Variants in THSD1 observed in about 807,000 individuals in gnomAD.
The protein encoded by THSD1 is thrombospondin type-1 domain-containing protein 1.
In THSD1, 34 loss-of-function variants were observed where a neutral mutation model predicts 46.3. The observed-to-expected ratio is 0.74, with a 90% confidence interval of 0.56 to 0.98. THSD1 has a LOEUF of 0.98. THSD1 is among the 50% of genes least tolerant of loss of function. The pLI is 0.00. For missense variants in THSD1, 1,023 were observed against 1,058.3 expected, an observed-to-expected ratio of 0.97 and a Z score of 0.46; for synonymous variants, 407 against 416.5, an observed-to-expected ratio of 0.98 and a Z score of 0.28.
At chr13:52,382,533 C>T (rs753726557) in intron 4 of THSD1, among the ~76,000 whole-genome samples, 10 of 152,200 alleles carry the variant, frequency 6.6e-5, no homozygotes, top group African/African-American at 2.2e-4. Flanking sequence ...GCTGGCCTCA[C>T]GTCTCCCACC....
At position 52,377,907 on chromosome 13, in the gene THSD1, C is replaced by T; in HGVS notation, c.2063G>A (p.Cys688Tyr). The T allele has an allele frequency of 6.2e-7, 1 of 1,614,240 alleles. No homozygotes were observed. Among genetic ancestry groups the T allele is most frequent in the Non-Finnish European group, 8.5e-7 (1 of 1,180,040 alleles). ...APAYSSRTRT[C>Y]EQAEDRFRPQ... ...CCTAAATCTGTCCTCTGCCTGCTCG[C>T]AGGTCCGCGTCCTAGAGCTGTAGGC... The change falls in exon 5 of 5, where the codon TGC becomes TAC. Residue 688 changes from cysteine to tyrosine, a missense_variant. Transcript: ENST00000258613.
chr13:52,384,766 A>T (rs376758518), intron 4 of THSD1, among the ~76,000 whole-genome samples: 3 of 152,186 alleles, frequency 2.0e-5, no homozygotes, highest in East Asian at 3.8e-4. Flanking sequence ...TATTTGAGGG[A>T]AGTTATACAC....
At chr13:52,393,846 T>G (rs1316496405) in intron 3 of THSD1, among the ~76,000 whole-genome samples, 2 of 152,174 alleles carry the variant, frequency 1.3e-5, no homozygotes, top group Non-Finnish European at 2.9e-5. Context: ...CAGTCATAAA[T>G]TTTATACTAA....
At chr13:52,393,842 T>C (rs61011708) in intron 3 of THSD1, among the ~76,000 whole-genome samples, 10,898 of 152,186 alleles carry the variant, frequency 0.072, 521 homozygotes, top group African/African-American at 0.13. Context: ...AGTTCAGTCA[T>C]AAATTTTATA....
At chr13:52,398,517 T>C (rs974913825) in intron 2 of THSD1, 1 of 977,700 alleles carries the variant, frequency 1.0e-6, no homozygotes, top group Non-Finnish European at 1.2e-6. Context: ...GCTAAGATTA[T>C]AGACATGAGC....
At position 52,404,517 on chromosome 13, in the gene THSD1, A is replaced by T. The variant is rs539559064; in HGVS notation, c.-82+1514T>A. Among the ~76,000 whole-genome samples the T allele has an allele frequency of 5.3e-5, 8 of 152,330 alleles. No homozygotes were observed. The East Asian group carries it at 1.5e-3, about 29-fold the overall frequency. On this transcript the variant is annotated intron_variant, in intron 1 of 4. Transcript: ENST00000258613. ...TTCCCCGCCACCCCCACCCAAAAAAAAGAAAAGAAAGGAAAGAAGAAGAAA... is the reference window on the plus strand; with the variant it reads ...TTCCCCGCCACCCCCACCCAAAAAATAGAAAAGAAAGGAAAGAAGAAGAAA...
chr13:52,389,999 G>T (rs1294855936), intron 3 of THSD1, among the ~76,000 whole-genome samples: 3 of 151,852 alleles, frequency 2.0e-5, no homozygotes. Context: ...AATTAGCCAG[G>T]GATAGTGCCA....
At chr13:52,380,516 T>C (rs1258793250) in intron 4 of THSD1, among the ~76,000 whole-genome samples, 1 of 151,516 alleles carries the variant, frequency 6.6e-6, no homozygotes, top group Non-Finnish European at 1.5e-5. Flanking sequence ...TTTTCCTTTT[T>C]TTTTTTTTTC....
chr13:52,378,200 T>C lies in THSD1; in HGVS notation c.1770A>G (p.Pro590=), dbSNP rs569927146. The C allele has an allele frequency of 6.2e-7, 1 of 1,614,068 alleles. No homozygotes were observed. Among genetic ancestry groups the C allele is most frequent in the African/African-American group, 1.3e-5 (1 of 74,994 alleles). ...AAANKFRIKS[P]FPEQPAVSAG... ...CACTGACCGCGGGCTGCTCCGGAAA[T>C]GGGGATTTGATCCGGAACTTGTTTG... is the stretch of plus-strand genomic sequence containing the variant. The change falls in exon 5 of 5, where the codon CCA becomes CCG. Residue 590 remains proline, a synonymous_variant. Coordinates refer to ENST00000258613, the MANE Select transcript of THSD1 (RefSeq NM_018676.4).
chr13:52,403,019 A>G (rs1957876682), intron 1 of THSD1: 6 of 857,036 alleles, frequency 7.0e-6, no homozygotes, highest in Non-Finnish European at 5.6e-6. Flanking sequence ...ATTTGGATAC[A>G]TTTTCACATT....
At position 52,378,407 on chromosome 13, in the gene THSD1, C is replaced by T. The variant is rs1196568943; in HGVS notation, c.1563G>A (p.Gln521=). 3.1e-6 allele frequency: 5 copies of T among 1,613,972 alleles called. No individual in the cohort carries two copies. In the South Asian group the frequency reaches 5.5e-5, roughly 18 times the overall value. Residue 521 remains glutamine (Q), a synonymous_variant, in exon 5 of 5, where the codon CAG becomes CAA. Transcript: ENST00000258613. The stretch of plus-strand genomic sequence containing the variant: ...AGCTGAACAGAGGTGGGATTATCTT[C>T]TGGGCGTTGGACTGGAAGCTCTCGC... ...SGSESFQSNA[Q]KIIPPLFSYR... is the part of the protein sequence containing the mutation.
chr13:52,395,061 T>C (rs1389239409), intron 3 of THSD1, among the ~76,000 whole-genome samples: 2 of 152,036 alleles, frequency 1.3e-5, no homozygotes, highest in Non-Finnish European at 2.9e-5. Context: ...AGTGCAGAGA[T>C]GGTGACTGCA....
chr13:52,397,340 A>G lies in THSD1; in HGVS notation c.913T>C (p.Cys305Arg). The change falls in exon 3 of 5, where the codon TGT becomes CGT. Residue 305 changes from cysteine (C) to arginine (R), a missense_variant. Cys to Arg is a radical substitution (Grantham distance 180, BLOSUM62 -3). Coordinates refer to ENST00000258613, the MANE Select transcript of THSD1 (RefSeq NM_018676.4). ...TTCTTCCCCATGTCAAACAAAGTAC[A>G]GTTAAAAATTGTCCTCCTCTCTCCC... is the stretch of plus-strand genomic sequence containing the variant. ...PLGERRTIFNCTLFDMGKNKY... is the reference protein window; with the variant it reads ...PLGERRTIFNRTLFDMGKNKY... 1.9e-6 allele frequency: 3 copies of G among 1,614,150 alleles called. No individual in the cohort carries two copies. The highest frequency in any genetic ancestry group is 2.5e-6 in the Non-Finnish European group (3 of 1,180,018).
Position 52,386,029 on chromosome 13 carries a change from A to G in THSD1, c.1179T>C (p.Ala393=), listed in dbSNP as rs1340987081. The G allele has an allele frequency of 6.2e-7, 1 of 1,613,620 alleles. No homozygotes were observed. The highest frequency in any genetic ancestry group is 8.5e-7 in the Non-Finnish European group (1 of 1,179,824). Residue 393 remains alanine, a splice_region_variant and synonymous_variant, in exon 4 of 5, where the codon GCT becomes GCC. Transcript: ENST00000258613. ...CCCGAAGGAAGCAAGAATACCTACC[A>G]GCACACTCCTCCAGGGAACACAGGG... ...EASLCSLEEC[A]AFQPSSPSPL...
rs751465802 is a variant in THSD1, at chr13:52,378,241, G to A, written c.1729C>T (p.Pro577Ser). ...APSAPLDLES[P>S]EEAAANKFRI... Reference sequence around the variant, plus strand: ...AACTTGTTTGCTGCAGCTTCTTCCGGGCTTTCCAAATCTAAGGGAGCGCTG... The same window carrying A: ...AACTTGTTTGCTGCAGCTTCTTCCGAGCTTTCCAAATCTAAGGGAGCGCTG... The change falls in exon 5 of 5, where the codon CCG (proline) becomes TCG (serine). Residue 577 changes from proline to serine, a missense_variant. Transcript: ENST00000258613. 1.9e-6 allele frequency: 3 copies of A among 1,614,182 alleles called. No homozygotes were observed. In the South Asian group the frequency reaches 3.3e-5, roughly 18 times the overall value.
At position 52,378,528 on chromosome 13, in the gene THSD1, C is replaced by T; in HGVS notation, c.1442G>A (p.Gly481Glu). 1 of 1,614,176 alleles carries T rather than the reference C, an allele frequency of 6.2e-7. No individual in the cohort carries two copies. Among genetic ancestry groups the T allele is most frequent in the Non-Finnish European group, 8.5e-7 (1 of 1,180,040 alleles). Residue 481 changes from glycine to glutamate, a missense_variant, in exon 5 of 5, where the codon GGG (glycine) becomes GAG (glutamate). By Grantham distance (98) the Gly-to-Glu change is moderately conservative. Transcript: ENST00000258613. ...LSEQRGSFSD[G>E]GDGPTGSPGD... ...TGGACTCCCCGTGGGCCCGTCTCCC[C>T]CATCCGAGAAGCTCCCGCGCTGCTC...
At chr13:52,391,403 A>T (rs1423250624) in intron 3 of THSD1, among the ~76,000 whole-genome samples, 2 of 151,852 alleles carry the variant, frequency 1.3e-5, no homozygotes, top group African/African-American at 4.8e-5. Flanking sequence ...TTTTCTGTAG[A>T]GATGGGTTTT....
At chr13:52,402,415 T>G in intron 2 of THSD1, 128 bp downstream of exon 2, 1 of 656,328 alleles carries the variant, frequency 1.5e-6, no homozygotes, top group East Asian at 3.1e-5. Flanking sequence ...GGGTCACAGT[T>G]GAGAAAGCAC....
At chr13:52,402,133 T>C (rs1310721450) in intron 2 of THSD1, among the ~76,000 whole-genome samples, 2 of 152,180 alleles carry the variant, frequency 1.3e-5, no homozygotes, top group Admixed American at 6.5e-5. Flanking sequence ...GAAATTCAGA[T>C]TGGGTCCAAA....
Sources: allele counts gnomAD v4.1 joint callset (sites outside exome capture counted in the v4.1 genomes callset), GRCh38; gene constraint gnomAD v4.1.1; transcripts MANE v1.5; gene names NCBI Gene and HGNC (gene_info 2026-07-23, HGNC 2026-07-21).